The following COMMD10 variants were observed in gnomAD, a reference collection of about 807,000 sequenced individuals.
COMMD10 encodes COMM domain-containing protein 10.
Under a neutral mutation model 28.9 loss-of-function variants are expected in COMMD10, and 33 were observed. The ratio of observed to expected loss-of-function variants is 1.14; its 90% CI spans 0.87 to 1.53. The LOEUF (loss-of-function observed/expected upper bound fraction) is 1.53. COMMD10 is among the 40% of genes most tolerant of loss of function. COMMD10 has a pLI of 0.00. For missense variants in COMMD10, 310 were observed against 233.4 expected (o/e 1.33, Z -2.14); for synonymous variants, 110 against 81.7 (o/e 1.35, Z -1.87).
intron 5 of COMMD10, among the ~76,000 whole-genome samples, chr5:116,151,674 C>T (rs6878596): frequency 2.0e-5 from 3 of 151,952 alleles, no homozygotes; most frequent in African/African-American, 7.2e-5. Context: ...TCTGATGGTA[C>T]TTTGTATTTC....
chr5:116,199,220 G>A (rs976153145), intron 5 of COMMD10, among the ~76,000 whole-genome samples: 2 of 152,072 alleles, frequency 1.3e-5, no homozygotes, highest in African/African-American at 2.4e-5. Context: ...ACGGTGTGGA[G>A]CATCTTTTTA....
intron 5 of COMMD10, among the ~76,000 whole-genome samples, chr5:116,205,570 G>A (rs945643719): frequency 2.0e-4 from 31 of 152,028 alleles, no homozygotes; most frequent in African/African-American, 7.0e-4. Context: ...ATATACATGT[G>A]TGAATACATA....
chr5:116,290,187 ATCCT>A (rs1751327579), intron 5 of COMMD10, among the ~76,000 whole-genome samples: 1 of 151,826 alleles, frequency 6.6e-6, no homozygotes, highest in Admixed American at 6.6e-5. Flanking sequence ...TAGGCTTATC[ATCCT>A]TCCTTAACTG....
chr5:116,204,967 T>A (rs138978216), intron 5 of COMMD10, among the ~76,000 whole-genome samples: 1 of 152,050 alleles, frequency 6.6e-6, no homozygotes, highest in Admixed American at 6.6e-5. Context: ...TTCTGTTTGT[T>A]TTTTGAATTT....
intron 4 of COMMD10, among the ~76,000 whole-genome samples, chr5:116,123,041 T>TC (rs1388260193): frequency 6.6e-6 from 1 of 152,170 alleles, no homozygotes; most frequent in African/African-American, 2.4e-5. Context: ...AGAAAGGGCA[T>TC]CCCTGTCTTG....
chr5:116,212,869 G>A (rs1377016951), intron 5 of COMMD10, among the ~76,000 whole-genome samples: 1 of 151,934 alleles, frequency 6.6e-6, no homozygotes, highest in Non-Finnish European at 1.5e-5. Flanking sequence ...TACTTGTTCT[G>A]GGGTATCCAT....
chr5:116,251,401 C>T lies in COMMD10; in HGVS notation c.511-40116C>T, dbSNP rs555273696. 7.3e-4 allele frequency among the ~76,000 whole-genome samples: 107 copies of T among 145,648 alleles called. 2 individuals carry two copies. The East Asian group carries it at 0.018, about 25-fold the overall frequency. ...TGGTGTGCTGCACCCACTAACTCGTCATCTAGCATTAGGTATATCTCCCAA... is the reference window on the plus strand; with the variant it reads ...TGGTGTGCTGCACCCACTAACTCGTTATCTAGCATTAGGTATATCTCCCAA... On this transcript the variant is annotated intron_variant, in intron 5 of 6. Coordinates refer to ENST00000274458, the MANE Select transcript of COMMD10 (RefSeq NM_016144.4).
chr5:116,245,804 C>T (rs921063108), intron 5 of COMMD10, among the ~76,000 whole-genome samples: 1 of 148,838 alleles, frequency 6.7e-6, no homozygotes, highest in East Asian at 2.0e-4. Context: ...GTGTTTAAAA[C>T]TCATAGCAAA....
At chr5:116,286,367 G>A (rs187682202) in intron 5 of COMMD10, among the ~76,000 whole-genome samples, 1 of 144,220 alleles carries the variant, frequency 6.9e-6, no homozygotes. Flanking sequence ...ATTTATCTCT[G>A]TTGTAATCTA....
At chr5:116,102,415 G>A (rs1750694912) in intron 4 of COMMD10, among the ~76,000 whole-genome samples, 2 of 152,068 alleles carry the variant, frequency 1.3e-5, no homozygotes, top group South Asian at 4.1e-4. Context: ...CTTGATCTAT[G>A]TGTCTATCTT....
At chr5:116,242,900 G>A (rs1749849007) in intron 5 of COMMD10, among the ~76,000 whole-genome samples, 1 of 152,098 alleles carries the variant, frequency 6.6e-6, no homozygotes, top group Non-Finnish European at 1.5e-5. Flanking sequence ...ATTTGAGATG[G>A]ACCTTGACAA....
At chr5:116,206,991 C>G (rs1038026987) in intron 5 of COMMD10, among the ~76,000 whole-genome samples, 1 of 149,272 alleles carries the variant, frequency 6.7e-6, no homozygotes, top group Non-Finnish European at 1.5e-5. Context: ...TAATTTTTTT[C>G]TTTTGCTATT....
intron 5 of COMMD10, among the ~76,000 whole-genome samples, chr5:116,235,153 A>G (rs1212992078): frequency 6.6e-6 from 1 of 152,220 alleles, no homozygotes; most frequent in Non-Finnish European, 1.5e-5. Context: ...TACTTTAACA[A>G]ACTGATACAA....
chr5:116,234,856 C>T (rs892552767), intron 5 of COMMD10, among the ~76,000 whole-genome samples: 12 of 152,174 alleles, frequency 7.9e-5, no homozygotes, highest in Admixed American at 7.2e-4. Flanking sequence ...CAGGGAAGAG[C>T]TCACATGCAG....
chr5:116,232,355 A>G (rs1351500659), intron 5 of COMMD10, among the ~76,000 whole-genome samples: 1 of 152,022 alleles, frequency 6.6e-6, no homozygotes, highest in African/African-American at 2.4e-5. Flanking sequence ...CTAAAAAAAA[A>G]AAGGCTTTTA....
At chr5:116,207,944 G>C (rs1336083454) in intron 5 of COMMD10, among the ~76,000 whole-genome samples, 1 of 152,158 alleles carries the variant, frequency 6.6e-6, no homozygotes, top group Non-Finnish European at 1.5e-5. Context: ...GGGAATAAGA[G>C]ACCTTCATAT....
At chr5:116,280,642 A>T (rs2112707694) in intron 5 of COMMD10, among the ~76,000 whole-genome samples, 1 of 151,966 alleles carries the variant, frequency 6.6e-6, no homozygotes, top group African/African-American at 2.4e-5. Flanking sequence ...AATATAGTGG[A>T]TGACAAAAAT....
At chr5:116,133,644 A>T (rs969686019) in intron 4 of COMMD10, among the ~76,000 whole-genome samples, 6 of 152,194 alleles carry the variant, frequency 3.9e-5, no homozygotes, top group African/African-American at 1.4e-4. Context: ...ATTTTGGAAG[A>T]TAGTGGGAAG....
chr5:116,259,903 G>C (rs973653939), intron 5 of COMMD10, among the ~76,000 whole-genome samples: 4 of 151,602 alleles, frequency 2.6e-5, no homozygotes, highest in African/African-American at 9.7e-5. Flanking sequence ...AGCCTCTATA[G>C]CAGACTCACA....
Sources: allele counts gnomAD v4.1 joint callset (sites outside exome capture counted in the v4.1 genomes callset), GRCh38; gene constraint gnomAD v4.1.1; transcripts MANE v1.5; gene names NCBI Gene and HGNC (gene_info 2026-07-23, HGNC 2026-07-21).